Variants in CAMSAP1 observed in about 807,000 individuals in gnomAD.
CAMSAP1 encodes calmodulin regulated spectrin associated protein 1.
In CAMSAP1, 58 loss-of-function variants were observed where a neutral mutation model predicts 143.5. That is an observed-to-expected ratio of 0.40 (90% CI 0.33 to 0.50). The LOEUF is 0.50. Among genes scored for constraint, CAMSAP1 ranks in the 20% least tolerant of loss-of-function variants. The probability of loss-of-function intolerance (pLI) is 0.45; values close to 1 mark genes in which losing one functional copy is unlikely to be tolerated. For synonymous variants in CAMSAP1, 945 were observed against 859.3 expected (o/e 1.10, Z -1.74); for missense variants, 1,969 against 2,115.7 (o/e 0.93, Z 1.36).
chr9:135,903,639 A>G (rs1838681508), intron 1 of CAMSAP1, among the ~76,000 whole-genome samples: 1 of 152,374 alleles, frequency 6.6e-6, no homozygotes, highest in East Asian at 1.9e-4. Flanking sequence ...AATGCTTTCA[A>G]TCTTTACACA....
At chr9:135,837,388 C>T (rs375628856) in intron 7 of CAMSAP1, among the ~76,000 whole-genome samples, 10 of 150,944 alleles carry the variant, frequency 6.6e-5, no homozygotes, top group African/African-American at 2.4e-4. Context: ...TCATCACGCA[C>T]TTTCTGCCCG....
chr9:135,890,641 G>C (rs1014109493), intron 1 of CAMSAP1, among the ~76,000 whole-genome samples: 5 of 152,166 alleles, frequency 3.3e-5, no homozygotes, highest in Non-Finnish European at 7.3e-5. Flanking sequence ...CAGGGGACTA[G>C]AGCACGGCTC....
chr9:135,842,608 A>G (rs1226912533), intron 7 of CAMSAP1, among the ~76,000 whole-genome samples: 2 of 152,362 alleles, frequency 1.3e-5, no homozygotes, highest in East Asian at 3.9e-4. Flanking sequence ...CAGGTTACCC[A>G]CAAAGGGAAG....
intron 7 of CAMSAP1, among the ~76,000 whole-genome samples, chr9:135,845,968 T>C (rs1031066228): frequency 6.7e-6 from 1 of 148,984 alleles, no homozygotes; most frequent in Non-Finnish European, 1.5e-5. Context: ...TTCAATGCTA[T>C]CCCCATCAAA....
chr9:135,848,710 T>G (rs549301210), intron 7 of CAMSAP1, among the ~76,000 whole-genome samples: 1 of 152,352 alleles, frequency 6.6e-6, no homozygotes, highest in Non-Finnish European at 1.5e-5. Context: ...GGCATGGACA[T>G]AGAACACTGC....
chr9:135,823,909 A>G (rs1479936799), intron 10 of CAMSAP1, 41 bp downstream of exon 10: 1 of 1,506,774 alleles, frequency 6.6e-7, no homozygotes, highest in Non-Finnish European at 9.0e-7. Flanking sequence ...TTTAGTATAA[A>G]AAACATTCCA....
chr9:135,827,249 G>C (rs1835705949), intron 8 of CAMSAP1, among the ~76,000 whole-genome samples, 158 bp downstream of exon 8: 1 of 152,210 alleles, frequency 6.6e-6, no homozygotes, highest in Non-Finnish European at 1.5e-5. Context: ...CTGGAAAGGG[G>C]ACCGAATGGC....
In CAMSAP1 at chr9:135,808,951, T is replaced by C. The variant is rs1357840544; in HGVS notation, c.*2358A>G. 1 of 152,176 alleles carries C rather than the reference T, an allele frequency of 6.6e-6. No individual in the cohort carries two copies. The highest frequency in any genetic ancestry group is 1.5e-5 in the Non-Finnish European group (1 of 68,042). The allele number at this position is 152,176 out of a possible 1,614,324, so 9.4% of individuals were successfully genotyped here. On this transcript the variant is annotated 3_prime_UTR_variant, in exon 17 of 17. Transcript: ENST00000389532. ...GAGCAGCTTGTCTTAAATAACAAGG[T>C]TAGAATTCTGAGACACAACGAAAGT...
In CAMSAP1 at chr9:135,821,924, C is replaced by G. The variant is rs758555979; in HGVS notation, c.2737G>C (p.Ala913Pro). 7 of 1,613,280 alleles carry G rather than the reference C, an allele frequency of 4.3e-6. No individual in the cohort carries two copies. Among genetic ancestry groups the G allele is most frequent in the Non-Finnish European group, 5.9e-6 (7 of 1,179,734 alleles). Residue 913 changes from alanine to proline, a missense_variant, in exon 11 of 17, where the codon GCT becomes CCT. Ala to Pro is a conservative substitution (Grantham distance 27, BLOSUM62 -1). Coordinates refer to ENST00000389532, the MANE Select transcript of CAMSAP1 (RefSeq NM_015447.4). The surrounding 1 kb of genome is among the most constrained non-coding windows in gnomAD (Gnocchi z 4.6). ...SARQRLKLGK[A>P]AFLHVVKKGK... ...TTCTTCACCACATGCAGGAATGCAG[C>G]CTTGCCGAGCTTCAGGCGCTGCCTT...
Position 135,818,301 on chromosome 9 carries a change from T to C in CAMSAP1, c.4168+107A>G. Reference sequence around the variant, plus strand: ...GAAACGGGGATAATCATCTCCACCCTTCCCGCCTCACACCACTCTTGATGA... The same window carrying C: ...GAAACGGGGATAATCATCTCCACCCCTCCCGCCTCACACCACTCTTGATGA... On this transcript the variant is annotated intron_variant, in intron 13 of 16. Transcript: ENST00000389532. The surrounding 1 kb of genome is among the most constrained non-coding windows in gnomAD (Gnocchi z 7.7). The C allele has an allele frequency of 7.9e-7, 1 of 1,272,414 alleles. No individual in the cohort carries two copies. The highest frequency in any genetic ancestry group is 1.1e-6 in the Non-Finnish European group (1 of 930,312). The allele number at this position is 1,272,414 out of a possible 1,614,324, so 78.8% of individuals were successfully genotyped here.
chr9:135,883,549 CA>C (rs1250304120), intron 1 of CAMSAP1, among the ~76,000 whole-genome samples: 1 of 152,206 alleles, frequency 6.6e-6, no homozygotes, highest in East Asian at 1.9e-4. Flanking sequence ...GGGAGCCCAG[CA>C]TCCTCTTTCT....
chr9:135,895,130 C>T (rs1424176156), intron 1 of CAMSAP1, among the ~76,000 whole-genome samples: 1 of 152,092 alleles, frequency 6.6e-6, no homozygotes, highest in African/African-American at 2.4e-5. Flanking sequence ...ACAAAAGATC[C>T]AAGGGTTCTA....
intron 3 of CAMSAP1, among the ~76,000 whole-genome samples, chr9:135,868,349 C>T (rs1837454724): frequency 6.6e-6 from 1 of 152,178 alleles, no homozygotes; most frequent in South Asian, 2.1e-4. Context: ...GGACATGCAC[C>T]TGTGCACCTG....
intron 14 of CAMSAP1, among the ~76,000 whole-genome samples, chr9:135,817,445 G>A (rs1028686615): frequency 6.6e-6 from 1 of 152,190 alleles, no homozygotes; most frequent in Non-Finnish European, 1.5e-5. Context: ...AGGCTGGAGT[G>A]CAGTAGCCTG....
chr9:135,884,629 T>C (rs868417930), intron 1 of CAMSAP1, among the ~76,000 whole-genome samples: 6 of 152,348 alleles, frequency 3.9e-5, no homozygotes, highest in Non-Finnish European at 8.8e-5. Flanking sequence ...TCAAATCCTA[T>C]ACTTGCTGAC....
chr9:135,820,910 C>T lies in CAMSAP1; in HGVS notation c.3751G>A (p.Val1251Ile), dbSNP rs1325461830. 1 of 1,613,856 alleles carries T rather than the reference C, an allele frequency of 6.2e-7. No individual in the cohort carries two copies. The highest frequency in any genetic ancestry group is 8.5e-7 in the Non-Finnish European group (1 of 1,179,876). Reference protein sequence around the residue: ...LKAPDEDGELVSLDGSADLVS... With the variant: ...LKAPDEDGELISLDGSADLVS... The stretch of plus-strand genomic sequence containing the variant: ...AGGTCCGCCGAGCCATCGAGGCTTA[C>T]CAGCTCCCCATCCTCGTCGGGGGCC... Residue 1251 changes from valine to isoleucine, a missense_variant, in exon 11 of 17, where the codon GTA becomes ATA. Val to Ile is a conservative substitution (Grantham distance 29). This residue lies in a region of CAMSAP1 where 1,390 missense variants were observed against 1,420.8 expected (regional missense o/e 0.98). Coordinates refer to ENST00000389532, the MANE Select transcript of CAMSAP1 (RefSeq NM_015447.4). This position sits in a 1 kb window ranked among gnomAD's most constrained non-coding sequence, Gnocchi z 4.4.
At chr9:135,848,012 G>A (rs1000779529) in intron 7 of CAMSAP1, among the ~76,000 whole-genome samples, 9 of 148,322 alleles carry the variant, frequency 6.1e-5, no homozygotes, top group Non-Finnish European at 1.3e-4. Context: ...AGAGGGTGCT[G>A]CAGTCATGAA....
rs889095742 is a variant in CAMSAP1 at position 135,882,908 on chromosome 9, T to A, written c.331A>T (p.Ile111Phe). The part of the protein sequence containing the change: ...VAALQGHQSV[I>F]QALSRKGIYV... ...ATCCCTTTCCGGGACAGGGCCTGGA[T>A]GACAGACTGGTGTCCCTGTAAGGCG... The change falls in exon 2 of 17, where the codon ATC becomes TTC. Residue 111 changes from isoleucine to phenylalanine, a missense_variant. By Grantham distance (21) the Ile-to-Phe change is conservative. This residue lies in a region of CAMSAP1 where 215 missense variants were observed against 196.2 expected (regional missense o/e 1.10). Transcript: ENST00000389532. This position sits in a 1 kb window ranked among gnomAD's most constrained non-coding sequence, Gnocchi z 4.9. 1 of 1,551,730 alleles carries A rather than the reference T, an allele frequency of 6.4e-7. No individual in the cohort carries two copies. Among genetic ancestry groups the A allele is most frequent in the African/African-American group, 1.4e-5 (1 of 73,166 alleles).
At position 135,821,536 on chromosome 9, in the gene CAMSAP1, G is replaced by C. The variant is rs199525159; in HGVS notation, c.3125C>G (p.Ser1042Cys). The C allele has an allele frequency of 6.2e-6, 10 of 1,614,048 alleles. No homozygotes were observed. In the East Asian group the frequency reaches 1.1e-4, roughly 18 times the overall value. Residue 1042 changes from serine to cysteine, a missense_variant, in exon 11 of 17, where the codon TCT (serine) becomes TGT (cysteine). Ser to Cys is a moderately radical substitution (Grantham distance 112). Transcript: ENST00000389532. The surrounding 1 kb of genome is among the most constrained non-coding windows in gnomAD (Gnocchi z 4.6). ...CATCAGAAGCTGCTCTTGCTGCTGA[G>C]AGATTTTCAGGATGGCCTGCTGCAG... ...STLQQAILKI[S>C]QQQEQLLMKS...
Sources: gnomAD v4.1 joint callset for allele counts (sites outside exome capture counted in the v4.1 genomes callset) on GRCh38, gnomAD v4.1.1 for gene constraint, gnomAD v4.1.1 regional missense constraint, Gnocchi (gnomAD v3.1) non-coding constraint, MANE v1.5 for transcripts, NCBI Gene and HGNC (gene_info 2026-07-23, HGNC 2026-07-21) for gene names.